The following PLEKHH2 variants were observed in gnomAD, a reference collection of about 807,000 sequenced individuals.
The protein encoded by PLEKHH2 is pleckstrin homology domain-containing family H member 2.
PLEKHH2 carries 129 observed loss-of-function variants against 187.9 expected under a neutral mutation model. That is an observed-to-expected ratio of 0.69 (90% CI 0.59 to 0.79). The LOEUF is 0.79. PLEKHH2 is among the 30% of genes least tolerant of loss of function. The pLI is 0.00. For synonymous variants in PLEKHH2, 686 were observed against 605.6 expected, an observed-to-expected ratio of 1.13 and a Z score of -1.95; for missense variants, 2,076 against 1,751.2, an observed-to-expected ratio of 1.19 and a Z score of -3.31.
At chr2:43,749,050 C>T (rs1671903354) in intron 24 of PLEKHH2, among the ~76,000 whole-genome samples, 1 of 152,204 alleles carries the variant, frequency 6.6e-6, no homozygotes. Context: ...AGCCACTGCG[C>T]CCAGCCAAGA....
intron 3 of PLEKHH2, among the ~76,000 whole-genome samples, chr2:43,680,279 A>C (rs1326978987): frequency 6.6e-6 from 1 of 152,224 alleles, no homozygotes; most frequent in Admixed American, 6.5e-5. Flanking sequence ...GAGGATTTTG[A>C]ATGTTCACAA....
chr2:43,675,960 C>T (rs756926163), intron 2 of PLEKHH2: 1 of 1,613,836 alleles, frequency 6.2e-7, no homozygotes, highest in Non-Finnish European at 8.5e-7. Context: ...TGTAAGCGGT[C>T]CTCATCTGTA....
At chr2:43,693,723 CAAA>C (rs70965316) in intron 4 of PLEKHH2, among the ~76,000 whole-genome samples, 9 of 69,674 alleles carry the variant, frequency 1.3e-4, no homozygotes, top group African/African-American at 2.0e-4. Flanking sequence ...GACTCCATCT[CAAA>C]AAAAAAAAAA....
intron 2 of PLEKHH2, among the ~76,000 whole-genome samples, chr2:43,674,549 T>C (rs2104410024): frequency 6.6e-6 from 1 of 152,334 alleles, no homozygotes; most frequent in East Asian, 1.9e-4. Context: ...TGAAACCACA[T>C]TACTTGCTCA....
intron 26 of PLEKHH2, among the ~76,000 whole-genome samples, chr2:43,757,798 G>A (rs1242935044): frequency 6.6e-6 from 1 of 151,948 alleles, no homozygotes; most frequent in African/African-American, 2.4e-5. Context: ...GGCTTTAGAT[G>A]TACTTTTTAA....
At chr2:43,764,566 C>G (rs1210147704) in intron 29 of PLEKHH2, among the ~76,000 whole-genome samples, 1 of 152,126 alleles carries the variant, frequency 6.6e-6, no homozygotes, top group African/African-American at 2.4e-5. Flanking sequence ...GCTCTGGTTT[C>G]TTTGTCTAAA....
intron 28 of PLEKHH2, 69 bp from the exon 29 acceptor site, chr2:43,764,159 A>C: frequency 2.2e-6 from 2 of 928,460 alleles, no homozygotes; most frequent in Non-Finnish European, 1.5e-6. Context: ...GAGATATATT[A>C]TTAATTATTT....
chr2:43,699,526 C>A, intron 7 of PLEKHH2, 121 bp from the exon 8 acceptor site: 1 of 1,209,354 alleles, frequency 8.3e-7, no homozygotes, highest in Non-Finnish European at 1.2e-6. Context: ...TACAGGTACA[C>A]ACCACTGCAC....
intron 2 of PLEKHH2, among the ~76,000 whole-genome samples, chr2:43,660,057 C>A (rs1384942843): frequency 6.6e-6 from 1 of 152,214 alleles, no homozygotes; most frequent in African/African-American, 2.4e-5. Flanking sequence ...TCTTCTCAAA[C>A]TCTAAGCCCT....
chr2:43,659,076 G>A (rs892887200), intron 2 of PLEKHH2, among the ~76,000 whole-genome samples: 4 of 149,598 alleles, frequency 2.7e-5, no homozygotes, highest in African/African-American at 4.9e-5. Context: ...GGGCTGAAGC[G>A]ATCCTCCCAC....
chr2:43,744,825 G>A (rs1342668598), intron 23 of PLEKHH2, among the ~76,000 whole-genome samples: 4 of 140,164 alleles, frequency 2.9e-5, no homozygotes, highest in African/African-American at 1.1e-4. Context: ...CCGTGATCAC[G>A]CCACTGCACT....
At chr2:43,734,877 G>C (rs964515918) in intron 19 of PLEKHH2, among the ~76,000 whole-genome samples, 2 of 152,142 alleles carry the variant, frequency 1.3e-5, no homozygotes, top group East Asian at 1.9e-4. Flanking sequence ...AATGGATAAT[G>C]ATGGGCCGGG....
intron 19 of PLEKHH2, among the ~76,000 whole-genome samples, chr2:43,732,169 G>C (rs1046637766): frequency 6.6e-6 from 1 of 152,064 alleles, no homozygotes; most frequent in African/African-American, 2.4e-5. Context: ...TTCAAGACCA[G>C]CCTGGCCAAC....
At chr2:43,686,770 T>C (rs1668533994) in intron 3 of PLEKHH2, among the ~76,000 whole-genome samples, 1 of 152,222 alleles carries the variant, frequency 6.6e-6, no homozygotes, top group Admixed American at 6.5e-5. Context: ...ATCAACTTGC[T>C]GATTTCACTG....
intron 3 of PLEKHH2, chr2:43,681,699 T>C (rs1257002010): frequency 3.7e-6 from 2 of 539,358 alleles, no homozygotes; most frequent in Non-Finnish European, 6.5e-6. Flanking sequence ...ATCAGGCCAC[T>C]GAGGGCCAGG....
chr2:43,668,378 G>A (rs929850695), intron 2 of PLEKHH2, among the ~76,000 whole-genome samples: 4 of 152,126 alleles, frequency 2.6e-5, no homozygotes, highest in African/African-American at 9.7e-5. Flanking sequence ...ATACATAGAT[G>A]TAAATAGTTT....
In PLEKHH2 at chr2:43,767,141, A is replaced by G. The variant is rs1672649952; in HGVS notation, c.*1543A>G. On this transcript the variant is annotated 3_prime_UTR_variant, in exon 30 of 30. Coordinates refer to ENST00000282406, the MANE Select transcript of PLEKHH2 (RefSeq NM_172069.4). ...ATCATGAGTATACTTAATTTTATTT[A>G]TGTATAGAATATTTGTATTTATTTT... is the stretch of plus-strand genomic sequence containing the variant. 6.6e-6 allele frequency: 1 copy of G among 152,594 alleles called. No individual in the cohort carries two copies. The highest frequency in any genetic ancestry group is 2.1e-4 in the South Asian group (1 of 4,832). 9.5% of individuals were successfully genotyped at this position (152,594 alleles called of 1,614,324 possible).
chr2:43,753,647 G>C lies in PLEKHH2; in HGVS notation c.3682G>C (p.Glu1228Gln). Residue 1228 changes from glutamate (E) to glutamine (Q), a missense_variant, in exon 25 of 30, where the codon GAG becomes CAG. By Grantham distance (29) the Glu-to-Gln change is conservative. Transcript: ENST00000282406. ...RLYFSVQARG[E>Q]TDREKLLLMY... Reference sequence around the variant, plus strand: ...ATATTTCTCAGTGCAAGCTCGTGGAGAGACTGATAGAGAAAAGTTGCTGTT... The same window carrying C: ...ATATTTCTCAGTGCAAGCTCGTGGACAGACTGATAGAGAAAAGTTGCTGTT... The C allele has an allele frequency of 6.4e-7, 1 of 1,559,984 alleles. No individual in the cohort carries two copies. Among genetic ancestry groups the C allele is most frequent in the Non-Finnish European group, 8.6e-7 (1 of 1,156,896 alleles).
chr2:43,641,828 T>C (rs1665948030), intron 1 of PLEKHH2, among the ~76,000 whole-genome samples: 1 of 152,228 alleles, frequency 6.6e-6, no homozygotes, highest in African/African-American at 2.4e-5. Flanking sequence ...TTAACTTTAT[T>C]CTGTTTATCT....
Sources: gnomAD v4.1 joint callset for allele counts (sites outside exome capture counted in the v4.1 genomes callset) on GRCh38, gnomAD v4.1.1 for gene constraint, MANE v1.5 for transcripts, NCBI Gene and HGNC (gene_info 2026-07-23, HGNC 2026-07-21) for gene names.